The following ISL1 variants were observed in gnomAD, a reference collection of about 807,000 sequenced individuals.
ISL1 encodes the protein ISL LIM homeobox 1, also known as insulin gene enhancer protein ISL-1.
A neutral mutation model predicts 35.3 loss-of-function variants in ISL1; 4 were observed. That is an observed-to-expected ratio of 0.11 (90% confidence interval 0.06 to 0.26). The LOEUF is 0.26. Ranked by LOEUF, ISL1 falls within the 10% of genes least tolerant of loss-of-function variation. The probability of loss-of-function intolerance (pLI) is 1.00; values close to 1 mark genes in which losing one functional copy is unlikely to be tolerated. For missense variants in ISL1, 340 were observed against 472.8 expected (o/e 0.72, Z 2.60); for synonymous variants, 186 against 172.3 (o/e 1.08, Z -0.62).
intron 5 of ISL1, among the ~76,000 whole-genome samples, chr5:51,392,625 A>C (rs1263353702): frequency 1.3e-5 from 2 of 152,216 alleles, no homozygotes; most frequent in African/African-American, 4.8e-5. Flanking sequence ...TAGGAAAAAA[A>C]AATTATTCTA....
chr5:51,386,376 CTGTGTG>C (rs3138746), intron 2 of ISL1: 24,245 of 262,158 alleles, frequency 0.092, 666 homozygotes, highest in South Asian at 0.12. Context: ...TCTCTCAACT[CTGTGTG>C]TGTGTGTGTG....
At chr5:51,393,373 T>A in intron 5 of ISL1, 121 bp from the exon 6 acceptor site, 1 of 723,312 alleles carries the variant, frequency 1.4e-6, no homozygotes, top group Non-Finnish European at 2.5e-6. Flanking sequence ...CAGTTATCTA[T>A]GTGAATATCT....
At position 51,383,517 on chromosome 5, in the gene ISL1, G is replaced by T. The variant is rs1234775779; in HGVS notation, c.-155G>T. ...GCTTAAATTGGACTCCTAGATCCGC[G>T]AGGGCGCGGCGCAGCCGAGCAGCGG... On this transcript the variant is annotated 5_prime_UTR_variant, in exon 1 of 6. Coordinates refer to ENST00000230658, the MANE Select transcript of ISL1 (RefSeq NM_002202.3). The T allele has an allele frequency of 2.6e-5, 19 of 738,648 alleles. No homozygotes were observed. The highest frequency in any genetic ancestry group is 4.7e-5 in the Non-Finnish European group (19 of 406,682). The allele number at this position is 738,648 out of a possible 1,614,324, so 45.8% of individuals were successfully genotyped here. A position where few individuals can be genotyped will look rare whatever the true frequency, so the allele number is the denominator to read the frequency against.
intron 4 of ISL1, among the ~76,000 whole-genome samples, chr5:51,390,655 T>G (rs1227199207): frequency 8.1e-6 from 1 of 123,722 alleles, no homozygotes; most frequent in Non-Finnish European, 1.7e-5. Context: ...TTTTTTTTTT[T>G]TTTTTTTTTT....
In ISL1 at chr5:51,389,630, G is replaced by C. The variant is rs1398479401; in HGVS notation, c.479-16G>C. ...GAGCCTCCAGCCCAGCGCTCACGGCGCTCCTTGCCCCGCAGCGGAGCCCAT... is the reference window on the plus strand; with the variant it reads ...GAGCCTCCAGCCCAGCGCTCACGGCCCTCCTTGCCCCGCAGCGGAGCCCAT... On this transcript the variant is annotated splice_polypyrimidine_tract_variant and intron_variant, in intron 3 of 5. Coordinates refer to ENST00000230658, the MANE Select transcript of ISL1 (RefSeq NM_002202.3). This position sits in a 1 kb window ranked among gnomAD's most constrained non-coding sequence, Gnocchi z 5.0. The C allele has an allele frequency of 1.2e-6, 2 of 1,600,768 alleles. No homozygotes were observed. The highest frequency in any genetic ancestry group is 4.5e-5 in the East Asian group (2 of 44,652).
chr5:51,383,741 T>G, intron 1 of ISL1, 42 bp downstream of exon 1: 1 of 1,561,922 alleles, frequency 6.4e-7, no homozygotes, highest in South Asian at 1.1e-5. Flanking sequence ...TGTGCTGTTC[T>G]TGTGCGGGGT....
In ISL1 at chr5:51,389,516, G is replaced by A. The variant is rs556165902; in HGVS notation, c.479-130G>A. On this transcript the variant is annotated intron_variant, in intron 3 of 5. Transcript: ENST00000230658. This position sits in a 1 kb window ranked among gnomAD's most constrained non-coding sequence, Gnocchi z 5.0. ...CTGCAAACCCTAGCCATTGTCCTGA[G>A]TATCTCGGGCGGGCGAGCAAGTAAG... 2.6e-6 allele frequency: 2 copies of A among 778,242 alleles called. No homozygotes were observed. The highest frequency in any genetic ancestry group is 2.0e-5 in the African/African-American group (1 of 49,838). The allele number at this position is 778,242 out of a possible 1,614,324, so 48.2% of individuals were successfully genotyped here. A position where few individuals can be genotyped will look rare whatever the true frequency, so the allele number is the denominator to read the frequency against.
intron 2 of ISL1, among the ~76,000 whole-genome samples, chr5:51,385,327 A>C (rs1021335197): frequency 3.3e-5 from 5 of 152,188 alleles, no homozygotes; most frequent in African/African-American, 1.2e-4. Context: ...CCGGAAACTT[A>C]ATCTTTTTAA....
chr5:51,391,546 C>T (rs1747515391), intron 5 of ISL1, 105 bp downstream of exon 5: 9 of 1,346,278 alleles, frequency 6.7e-6, no homozygotes, highest in Non-Finnish European at 7.3e-6. Flanking sequence ...TTCTTGGGCT[C>T]AGGGTTGGGG....
rs1747387040 is a variant in ISL1, at chr5:51,387,810, G to T, written c.478+61G>T. 1.9e-6 allele frequency: 3 copies of T among 1,600,800 alleles called. No homozygotes were observed. Among genetic ancestry groups the T allele is most frequent in the South Asian group, 1.1e-5 (1 of 89,930 alleles). ...GGTTAAGCCAGCCTGTGTGCCAGCG[G>T]CCACAACAACTATGGTAGCTACAGG... On this transcript the variant is annotated intron_variant, in intron 3 of 5. Coordinates refer to ENST00000230658, the MANE Select transcript of ISL1 (RefSeq NM_002202.3). This position sits in a 1 kb window ranked among gnomAD's most constrained non-coding sequence, Gnocchi z 4.3.
intron 4 of ISL1, among the ~76,000 whole-genome samples, 178 bp downstream of exon 4, chr5:51,390,110 G>A (rs1403115441): frequency 1.3e-5 from 2 of 152,058 alleles, no homozygotes; most frequent in East Asian, 3.9e-4. Flanking sequence ...GCTACCCGGC[G>A]CCGGCCGCCA....
intron 2 of ISL1, chr5:51,386,454 A>G (rs528708856): frequency 4.9e-6 from 2 of 406,446 alleles, no homozygotes; most frequent in African/African-American, 4.2e-5. Context: ...GGACAGTTAG[A>G]TTTCCACATC....
chr5:51,388,860 G>A (rs186829893), intron 3 of ISL1, among the ~76,000 whole-genome samples: 108 of 152,160 alleles, frequency 7.1e-4, no homozygotes, highest in Non-Finnish European at 8.4e-4. Flanking sequence ...ATACCGAGAG[G>A]GAGGCGGGGG....
At position 51,383,694 on chromosome 5, in the gene ISL1, C is replaced by T; in HGVS notation, c.23C>T (p.Pro8Leu). ...GATATGGGAGACATGGGAGATCCACCAAAAAGTAAGAGGCTATTTTACCTT... is the reference window on the plus strand; with the variant it reads ...GATATGGGAGACATGGGAGATCCACTAAAAAGTAAGAGGCTATTTTACCTT... MGDMGDP[P>L]KKKRLISLCV... is the part of the protein sequence containing the mutation. The change falls in exon 1 of 6, where the codon CCA (proline) becomes CTA (leucine). Residue 8 changes from proline (P) to leucine (L), a missense_variant. Pro to Leu is a moderately conservative substitution (Grantham distance 98). Transcript: ENST00000230658. The T allele has an allele frequency of 6.2e-7, 1 of 1,611,254 alleles. No individual in the cohort carries two copies. The highest frequency in any genetic ancestry group is 8.5e-7 in the Non-Finnish European group (1 of 1,177,344).
chr5:51,390,642 CTTTTTTTTTTTTTTTTTTTTTTTT>C (rs57707586), intron 4 of ISL1, among the ~76,000 whole-genome samples: 1,831 of 40,336 alleles, frequency 0.045, 71 homozygotes, highest in Admixed American at 0.085. Flanking sequence ...CTTTCTTTTT[CTTTTTTTTTTTTTTTTTTTTTTTT>C]TTTTTTTTTT....
Position 51,391,275 on chromosome 5 carries a change from A to C in ISL1, c.767A>C (p.Asn256Thr). 6.2e-7 allele frequency: 1 copy of C among 1,612,368 alleles called. No homozygotes were observed. Among genetic ancestry groups the C allele is most frequent in the Non-Finnish European group, 8.5e-7 (1 of 1,179,836 alleles). The change falls in exon 5 of 6, where the codon AAT becomes ACT. Residue 256 changes from asparagine (N) to threonine (T), a missense_variant and splice_region_variant. Asn to Thr is a moderately conservative substitution (Grantham distance 65). Transcript: ENST00000230658. The stretch of plus-strand genomic sequence containing the variant: ...ATTGGTTGGGGGGCCTATTCACAGA[A>C]TATCCAGGGGATGACAGGAACTCCC... ...LQQQQPNDKT[N>T]IQGMTGTPMV...
At position 51,390,658 on chromosome 5, in the gene ISL1, T is replaced by C. The variant is rs1323998828; in HGVS notation, c.766-616T>C. 1.4e-4 allele frequency among the ~76,000 whole-genome samples: 17 copies of C among 125,864 alleles called. 1 individual carries two copies. The South Asian group carries it at 2.7e-3, about 20-fold the overall frequency. 82.6% of individuals were successfully genotyped at this position (125,864 alleles called of 152,430 possible). On this transcript the variant is annotated intron_variant, in intron 4 of 5. Transcript: ENST00000230658. The stretch of plus-strand genomic sequence containing the variant: ...TTTCTTTTTCTTTTTTTTTTTTTTT[T>C]TTTTTTTTTTTTTTTTTTTTTTACT...
At position 51,387,874 on chromosome 5, in the gene ISL1, C is replaced by G; in HGVS notation, c.478+125C>G. The stretch of plus-strand genomic sequence containing the variant: ...TTTGCCTGCAGTTAAATGAAGTGTT[C>G]TGTATGCAATTTGCGCTGTGCTCTG... On this transcript the variant is annotated intron_variant, in intron 3 of 5. Transcript: ENST00000230658. This position sits in a 1 kb window ranked among gnomAD's most constrained non-coding sequence, Gnocchi z 4.3. 7.8e-7 allele frequency: 1 copy of G among 1,285,926 alleles called. No individual in the cohort carries two copies. The highest frequency in any genetic ancestry group is 1.1e-6 in the Non-Finnish European group (1 of 921,850). The allele number at this position is 1,285,926 out of a possible 1,614,324, so 79.7% of individuals were successfully genotyped here.
Position 51,389,896 on chromosome 5 carries a change from G to A in ISL1, c.729G>A (p.Met243Ile). 1 of 1,614,148 alleles carries A rather than the reference G, an allele frequency of 6.2e-7. No homozygotes were observed. Among genetic ancestry groups the A allele is most frequent in the East Asian group, 2.2e-5 (1 of 44,864 alleles). ...AGGACAAGAAGCGAAGCATCATGAT[G>A]AAGCAACTCCAGCAGCAGCAGCCCA... ...RCKDKKRSIM[M>I]KQLQQQQPND... The change falls in exon 4 of 6, where the codon ATG becomes ATA. Residue 243 changes from methionine (M) to isoleucine (I), a missense_variant. This residue lies in a region of ISL1 where 25 missense variants were observed against 43.2 expected (regional missense o/e 0.58). Transcript: ENST00000230658. The surrounding 1 kb of genome is among the most constrained non-coding windows in gnomAD (Gnocchi z 5.0).
Sources: gnomAD v4.1 joint callset for allele counts (sites outside exome capture counted in the v4.1 genomes callset) on GRCh38, gnomAD v4.1.1 for gene constraint, gnomAD v4.1.1 regional missense constraint, Gnocchi (gnomAD v3.1) non-coding constraint, MANE v1.5 for transcripts, NCBI Gene and HGNC (gene_info 2026-07-23, HGNC 2026-07-21) for gene names.